Variants in UBIAD1 observed in about 807,000 individuals in gnomAD.
UBIAD1 encodes the protein ubiA prenyltransferase domain-containing protein 1.
A neutral mutation model predicts 20.1 loss-of-function variants in UBIAD1; 12 were observed. The ratio of observed to expected loss-of-function variants is 0.60; its 90% CI spans 0.38 to 0.97. The LOEUF (loss-of-function observed/expected upper bound fraction) is 0.97. Among genes scored for constraint, UBIAD1 ranks in the 50% least tolerant of loss-of-function variants. The pLI, the probability that UBIAD1 is intolerant of heterozygous loss-of-function variation, is 0.00. For synonymous variants in UBIAD1, 207 were observed against 189.2 expected (o/e 1.09, Z -0.77); for missense variants, 333 against 419.5 (o/e 0.79, Z 1.80).
chr1:11,286,723 G>A lies in UBIAD1; in HGVS notation c.*592G>A, dbSNP rs1358338697. 2 of 157,624 alleles carry A rather than the reference G, an allele frequency of 1.3e-5. No individual in the cohort carries two copies. The highest frequency in any genetic ancestry group is 2.8e-5 in the Non-Finnish European group (2 of 71,436). 9.8% of individuals were successfully genotyped at this position (157,624 alleles called of 1,614,324 possible). On this transcript the variant is annotated 3_prime_UTR_variant, in exon 2 of 2. Coordinates refer to ENST00000376810, the MANE Select transcript of UBIAD1 (RefSeq NM_013319.3). ...CCTAAATTGTGATTCAGATGCTTTT[G>A]TTCTCTCTCCTTTCACTTATTGCCA...
rs567140850 is a variant in UBIAD1 at position 11,280,786 on chromosome 1, G to A, written c.530-4858G>A. ...TGATCATCTGTCCCTGGATTTTTGC[G>A]GCAGGCTCCCAACTGGTCTCTTTAC... On this transcript the variant is annotated intron_variant, in intron 1 of 1. Coordinates refer to ENST00000376810, the MANE Select transcript of UBIAD1 (RefSeq NM_013319.3). 1.4e-4 allele frequency among the ~76,000 whole-genome samples: 21 copies of A among 152,142 alleles called. No individual in the cohort carries two copies. The South Asian group carries it at 3.1e-3, about 23-fold the overall frequency.
chr1:11,284,629 A>G (rs1394771146), intron 1 of UBIAD1, among the ~76,000 whole-genome samples: 2 of 151,742 alleles, frequency 1.3e-5, no homozygotes, highest in Non-Finnish European at 2.9e-5. Context: ...ACGCTTGGCT[A>G]ATTTTTGTAT....
chr1:11,298,438 C>T (rs1243917348), downstream of UBIAD1, among the ~76,000 whole-genome samples: 1 of 151,888 alleles, frequency 6.6e-6, no homozygotes, highest in Non-Finnish European at 1.5e-5. The surrounding 1 kb of genome is among the most constrained non-coding windows in gnomAD (Gnocchi z 4.0). Context: ...CATGGTGGCA[C>T]ATATTGTAAT....
At chr1:11,275,666 C>T (rs1259498612) in intron 1 of UBIAD1, among the ~76,000 whole-genome samples, 1 of 152,052 alleles carries the variant, frequency 6.6e-6, no homozygotes. Flanking sequence ...ATTGCTTGAG[C>T]CCAGGGGTCA....
chr1:11,298,569 AAAATAAATAAAT>A (rs368913011), downstream of UBIAD1, among the ~76,000 whole-genome samples: 383 of 145,048 alleles, frequency 2.6e-3, no homozygotes, highest in Middle Eastern at 7.1e-3. The surrounding 1 kb of genome is among the most constrained non-coding windows in gnomAD (Gnocchi z 4.0). Flanking sequence ...CCTGTCTCCA[AAAATAAATAAAT>A]AAATAAATAA....
downstream of UBIAD1, among the ~76,000 whole-genome samples, chr1:11,290,920 G>A (rs557010632): frequency 5.1e-5 from 7 of 138,206 alleles, no homozygotes; most frequent in East Asian, 3.9e-4. Flanking sequence ...CCGAGATCAC[G>A]CCACTGCACT....
chr1:11,274,245 T>TA (rs1165482744), intron 1 of UBIAD1, among the ~76,000 whole-genome samples, 185 bp downstream of exon 1: 2 of 152,248 alleles, frequency 1.3e-5, no homozygotes, highest in Non-Finnish European at 2.9e-5. Flanking sequence ...TGGTTTGACT[T>TA]ACGGACGTAG....
In UBIAD1 at chr1:11,286,564, G is replaced by A. The variant is rs1014899962; in HGVS notation, c.*433G>A. 4.9e-5 allele frequency: 14 copies of A among 285,670 alleles called. No individual in the cohort carries two copies. Among genetic ancestry groups the A allele is most frequent in the Admixed American group, 2.0e-4 (4 of 19,808 alleles). The allele number at this position is 285,670 out of a possible 1,614,324, so 17.7% of individuals were successfully genotyped here. A position where few individuals can be genotyped will look rare whatever the true frequency, so the allele number is the denominator to read the frequency against. On this transcript the variant is annotated 3_prime_UTR_variant, in exon 2 of 2. Coordinates refer to ENST00000376810, the MANE Select transcript of UBIAD1 (RefSeq NM_013319.3). ...TCCTGCTTTCTTCGTCTCGTAGGAT[G>A]TGCTATGATTGGTGCCAGGCCTCAC...
intron 1 of UBIAD1, among the ~76,000 whole-genome samples, chr1:11,294,278 C>T (rs1638411922): frequency 6.6e-6 from 1 of 152,132 alleles, no homozygotes; most frequent in Non-Finnish European, 1.5e-5. Flanking sequence ...TGATTCAAAT[C>T]TTGCTCTAAT....
intron 1 of UBIAD1, chr1:11,278,601 T>A: frequency 7.2e-7 from 1 of 1,380,266 alleles, no homozygotes; most frequent in Admixed American, 2.8e-5. Flanking sequence ...AAGTTTGAGA[T>A]CCACTAAAAT....
chr1:11,292,711 A>T (rs111667442), downstream of UBIAD1, among the ~76,000 whole-genome samples: 83 of 144,592 alleles, frequency 5.7e-4, no homozygotes, highest in South Asian at 4.9e-3. Context: ...ACACACACAC[A>T]CTCACAGAGT....
At chr1:11,296,880 T>C (rs574384691), downstream of UBIAD1, among the ~76,000 whole-genome samples, 863 of 10,638 alleles carry the variant, frequency 0.081, 2 homozygotes, top group Middle Eastern at 0.17. Context: ...TCTTAGACTT[T>C]CCTACCAAGG....
chr1:11,276,773 A>C (rs918133059), intron 1 of UBIAD1, among the ~76,000 whole-genome samples: 3 of 152,090 alleles, frequency 2.0e-5, no homozygotes, highest in Non-Finnish European at 2.9e-5. Flanking sequence ...TAAAAAAAAA[A>C]AACTGTAAGC....
chr1:11,292,804 T>C (rs181717699), downstream of UBIAD1, among the ~76,000 whole-genome samples: 281 of 152,198 alleles, frequency 1.8e-3, 1 homozygote, highest in African/African-American at 6.6e-3. Context: ...GCTAATGGAC[T>C]GTCAGCCTCT....
chr1:11,287,955 G>A lies in UBIAD1; in HGVS notation c.*1824G>A, dbSNP rs1341169472. The A allele has an allele frequency of 1.3e-5, 2 of 151,742 alleles. No homozygotes were observed. Among genetic ancestry groups the A allele is most frequent in the African/African-American group, 2.4e-5 (1 of 41,132 alleles). The allele number at this position is 151,742 out of a possible 1,614,324, so 9.4% of individuals were successfully genotyped here. A position where few individuals can be genotyped will look rare whatever the true frequency, so the allele number is the denominator to read the frequency against. On this transcript the variant is annotated 3_prime_UTR_variant, in exon 2 of 2. Transcript: ENST00000376810. ...AAAAAAAAAAAAGAAAAAGAAAATT[G>A]CAAAAGTTCCTCTAAAGTTAAATCA...
intron 1 of UBIAD1, among the ~76,000 whole-genome samples, chr1:11,280,971 A>G (rs1356792783): frequency 6.6e-6 from 1 of 152,028 alleles, no homozygotes; most frequent in Non-Finnish European, 1.5e-5. Context: ...AGGGCCCTAC[A>G]TTCTTTGCCC....
At chr1:11,281,877 GCTT>G (rs1488067590) in intron 1 of UBIAD1, among the ~76,000 whole-genome samples, 1 of 152,154 alleles carries the variant, frequency 6.6e-6, no homozygotes, top group South Asian at 2.1e-4. Flanking sequence ...CTCTCGTCTG[GCTT>G]CTTTTGCTCA....
downstream of UBIAD1, among the ~76,000 whole-genome samples, chr1:11,290,721 G>T (rs1638353885): frequency 1.3e-5 from 2 of 152,224 alleles, no homozygotes; most frequent in South Asian, 4.1e-4. Flanking sequence ...GCTTACGCCT[G>T]TAATCCCAGC....
intron 1 of UBIAD1, among the ~76,000 whole-genome samples, chr1:11,282,096 G>A (rs1652259878): frequency 6.6e-6 from 1 of 152,056 alleles, no homozygotes. Flanking sequence ...TTTTTCTTGG[G>A]TAAATGCCCA....
Sources: gnomAD v4.1 joint callset for allele counts (sites outside exome capture counted in the v4.1 genomes callset) on GRCh38, gnomAD v4.1.1 for gene constraint, Gnocchi (gnomAD v3.1) non-coding constraint, MANE v1.5 for transcripts, NCBI Gene and HGNC (gene_info 2026-07-23, HGNC 2026-07-21) for gene names.